The following MALRD1 variants were observed in gnomAD, a reference collection of about 807,000 sequenced individuals.
The protein encoded by MALRD1 is MAM and LDL receptor class A domain containing 1.
In MALRD1, 247 loss-of-function variants were observed where a neutral mutation model predicts 242.1. The observed-to-expected ratio is 1.02, with a 90% CI of 0.92 to 1.13. The LOEUF (loss-of-function observed/expected upper bound fraction) is 1.13. Among genes scored for constraint, MALRD1 ranks in the 50% most tolerant of loss-of-function variants. MALRD1 has a pLI of 0.00. For synonymous variants in MALRD1, 995 were observed against 866.6 expected, an observed-to-expected ratio of 1.15 and a Z score of -2.60; for missense variants, 2,989 against 2,533.1, an observed-to-expected ratio of 1.18 and a Z score of -3.86.
At chr10:19,261,405 C>G (rs1430919810) in intron 19 of MALRD1, among the ~76,000 whole-genome samples, 2 of 148,470 alleles carry the variant, frequency 1.3e-5, no homozygotes, top group East Asian at 4.0e-4. Context: ...ATAAAGGAAT[C>G]TTACCATAAA....
chr10:19,094,201 C>T (rs1437560302), intron 4 of MALRD1, among the ~76,000 whole-genome samples: 1 of 105,296 alleles, frequency 9.5e-6, no homozygotes, highest in Non-Finnish European at 2.0e-5. Context: ...CTCGTTGCTG[C>T]CTTTCAGTTT....
At chr10:19,485,769 C>A (rs931724792) in intron 29 of MALRD1, among the ~76,000 whole-genome samples, 3 of 151,700 alleles carry the variant, frequency 2.0e-5, no homozygotes, top group African/African-American at 7.3e-5. Context: ...ATTTTTATAC[C>A]CAATAATGGC....
intron 32 of MALRD1, 66 bp downstream of exon 32, chr10:19,531,417 C>T (rs1166551295): frequency 9.4e-6 from 13 of 1,381,850 alleles, no homozygotes; most frequent in African/African-American, 1.5e-5. Context: ...CATTGTCTTC[C>T]CTTGTCTTAT....
chr10:19,663,119 C>T (rs1841521300), intron 36 of MALRD1, among the ~76,000 whole-genome samples: 2 of 152,090 alleles, frequency 1.3e-5, no homozygotes, highest in Admixed American at 1.3e-4. Context: ...GTTTAACCGT[C>T]ACCCATATAA....
At chr10:19,530,439 A>T (rs1834348518) in intron 31 of MALRD1, among the ~76,000 whole-genome samples, 1 of 90,710 alleles carries the variant, frequency 1.1e-5, no homozygotes, top group Admixed American at 1.6e-4. Flanking sequence ...AATATATATA[A>T]TATATAATAT....
intron 18 of MALRD1, among the ~76,000 whole-genome samples, chr10:19,231,189 A>G (rs987749965): frequency 1.3e-5 from 2 of 152,154 alleles, no homozygotes; most frequent in Admixed American, 6.6e-5. Context: ...TCCTGCCTCA[A>G]TTTAGGCCAA....
At chr10:19,438,664 T>A (rs2483085) in intron 28 of MALRD1, among the ~76,000 whole-genome samples, 108,812 of 152,044 alleles carry the variant, frequency 0.72, 39,069 homozygotes, top group Non-Finnish European at 0.75. Flanking sequence ...CCAACACTTG[T>A]TATTTTGTTT....
chr10:19,395,684 T>C (rs1252553360), intron 28 of MALRD1, among the ~76,000 whole-genome samples: 1 of 152,170 alleles, frequency 6.6e-6, no homozygotes, highest in African/African-American at 2.4e-5. Flanking sequence ...ACACCCAGAG[T>C]TTAATTCAGT....
intron 9 of MALRD1, among the ~76,000 whole-genome samples, chr10:19,134,454 AGCTTTTGCCATTGTG>A (rs1236645361): frequency 6.6e-6 from 1 of 152,206 alleles, no homozygotes; most frequent in Non-Finnish European, 1.5e-5. Flanking sequence ...ATGTAATTGC[AGCTTTTGCCATTGTG>A]GCTTTTGCCA....
intron 5 of MALRD1, among the ~76,000 whole-genome samples, chr10:19,108,806 T>G (rs1836569523): frequency 6.6e-6 from 1 of 152,212 alleles, no homozygotes; most frequent in Admixed American, 6.5e-5. Context: ...TTTTGGGCAA[T>G]ATATAAATTT....
intron 38 of MALRD1, among the ~76,000 whole-genome samples, chr10:19,703,031 A>G (rs1040200887): frequency 5.3e-5 from 8 of 152,182 alleles, no homozygotes; most frequent in East Asian, 1.9e-4. Context: ...TTTATTATAC[A>G]TTCTGTGACT....
Position 19,095,772 on chromosome 10 carries a change from G to A in MALRD1, c.597+7587G>A, listed in dbSNP as rs535530308. Among the ~76,000 whole-genome samples the A allele has an allele frequency of 3.3e-5, 5 of 152,222 alleles. No homozygotes were observed. The South Asian group carries it at 1.0e-3, about 32-fold the overall frequency. On this transcript the variant is annotated intron_variant, in intron 4 of 39. Transcript: ENST00000454679. ...TCAAGTGTTATTAACCGCTGGAGAA[G>A]TTATTTTATTTCTTAAACTTCTCAA...
rs557457798 is a variant in MALRD1 at position 19,136,449 on chromosome 10, A to ATATATTGCCTTGGTTGC, written c.1204-123_1204-107dup. ...GAGGTTATCAAACAGGAACTTTGTT[A>ATATATTGCCTTGGTTGC]TATATTGCCTTGGTTGCTTTAAACA... On this transcript the variant is annotated intron_variant, in intron 9 of 39. Coordinates refer to ENST00000454679, the MANE Select transcript of MALRD1 (RefSeq NM_001142308.3). The ATATATTGCCTTGGTTGC allele has an allele frequency of 2.3e-3, 1,061 of 455,110 alleles. 8 individuals are homozygous for ATATATTGCCTTGGTTGC. The highest frequency in any genetic ancestry group is 0.014 in the African/African-American group (715 of 49,702). The allele number at this position is 455,110 out of a possible 1,614,324, so 28.2% of individuals were successfully genotyped here. A position where few individuals can be genotyped will look rare whatever the true frequency, so the allele number is the denominator to read the frequency against.
chr10:19,655,752 C>T (rs1841126193), intron 36 of MALRD1, among the ~76,000 whole-genome samples: 6 of 151,832 alleles, frequency 4.0e-5, no homozygotes, highest in Admixed American at 2.6e-4. Flanking sequence ...CTCTGATTTA[C>T]CTTCTGCCAA....
At chr10:19,207,515 T>G (rs4306209) in intron 17 of MALRD1, among the ~76,000 whole-genome samples, 110,756 of 151,406 alleles carry the variant, frequency 0.73, 40,724 homozygotes, top group South Asian at 0.83. Flanking sequence ...TTGTTTGATT[T>G]TTTTAGAAAG....
chr10:19,352,367 C>A, intron 26 of MALRD1, 70 bp downstream of exon 26: 3 of 1,368,352 alleles, frequency 2.2e-6, no homozygotes, highest in Non-Finnish European at 3.0e-6. Flanking sequence ...AAAGAAAATG[C>A]AAAAGAAATA....
intron 38 of MALRD1, among the ~76,000 whole-genome samples, chr10:19,729,397 A>T (rs1160365715): frequency 6.6e-6 from 1 of 152,214 alleles, no homozygotes; most frequent in Non-Finnish European, 1.5e-5. Flanking sequence ...AATATACATT[A>T]TACATACATT....
At chr10:19,429,526 T>C (rs1489485766) in intron 28 of MALRD1, among the ~76,000 whole-genome samples, 1 of 152,118 alleles carries the variant, frequency 6.6e-6, no homozygotes, top group Non-Finnish European at 1.5e-5. Flanking sequence ...GCCATGCCAT[T>C]GTACCCCAGC....
intron 10 of MALRD1, among the ~76,000 whole-genome samples, chr10:19,141,346 C>G (rs886473695): frequency 1.3e-5 from 2 of 152,066 alleles, no homozygotes; most frequent in East Asian, 3.9e-4. Context: ...CTCATAGAGA[C>G]AGATAGTAAA....
Sources: gnomAD v4.1 joint callset for allele counts (sites outside exome capture counted in the v4.1 genomes callset) on GRCh38, gnomAD v4.1.1 for gene constraint, MANE v1.5 for transcripts, NCBI Gene and HGNC (gene_info 2026-07-23, HGNC 2026-07-21) for gene names.